TANC2: variants seen among roughly 807,000 people sequenced by gnomAD.
TANC2 encodes the protein tetratricopeptide repeat, ankyrin repeat and coiled-coil containing 2.
TANC2 carries 26 observed loss-of-function variants against 210.5 expected under a neutral mutation model. The observed-to-expected ratio is 0.12, with a 90% CI of 0.09 to 0.17. TANC2 has a LOEUF of 0.17. TANC2 is among the 10% of genes least tolerant of loss of function. TANC2 has a pLI of 1.00. For synonymous variants in TANC2, 931 were observed against 967.1 expected (o/e 0.96, Z 0.69); for missense variants, 2,129 against 2,608.9 (o/e 0.82, Z 4.01).
At chr17:63,406,007 C>G (rs905157123) in intron 20 of TANC2, 147 bp from the exon 21 acceptor site, 13 of 967,808 alleles carry the variant, frequency 1.3e-5, no homozygotes, top group Non-Finnish European at 2.0e-5. Context: ...GGTACTAGGA[C>G]TATACAGGTA....
intron 3 of TANC2, among the ~76,000 whole-genome samples, chr17:63,096,747 G>T (rs1232275427): frequency 6.6e-6 from 1 of 152,004 alleles, no homozygotes; most frequent in Non-Finnish European, 1.5e-5. Context: ...ACCTGTTTTC[G>T]TATCTTTGGG....
chr17:63,004,329 A>T (rs1236974502), intron 1 of TANC2, among the ~76,000 whole-genome samples: 3 of 152,186 alleles, frequency 2.0e-5, no homozygotes, highest in Non-Finnish European at 4.4e-5. Context: ...TAAGGAGTTA[A>T]GTCTGTGCTG....
In TANC2 at chr17:63,420,322, C is replaced by T. The variant is rs763167667; in HGVS notation, c.4592C>T (p.Pro1531Leu). 4 of 1,613,948 alleles carry T rather than the reference C, an allele frequency of 2.5e-6. No individual in the cohort carries two copies. The Admixed American group carries it at 5.0e-5, about 20-fold the overall frequency. ...GTCATCCAGAGCCCACCCTCCTCTCCCCCGCATCGGGACTCAGCCTACATC... is the reference window on the plus strand; with the variant it reads ...GTCATCCAGAGCCCACCCTCCTCTCTCCCGCATCGGGACTCAGCCTACATC... Residue 1531 changes from proline (P) to leucine (L), a missense_variant, in exon 28 of 28, where the codon CCC (proline) becomes CTC (leucine). This residue lies in a region of TANC2 where 584 missense variants were observed against 627.3 expected (regional missense o/e 0.93). Transcript: ENST00000689528. This position sits in a 1 kb window ranked among gnomAD's most constrained non-coding sequence, Gnocchi z 4.2.
At chr17:63,367,076 A>G (rs1277477962) in intron 14 of TANC2, among the ~76,000 whole-genome samples, 2 of 152,234 alleles carry the variant, frequency 1.3e-5, no homozygotes, top group Admixed American at 6.5e-5. Flanking sequence ...GACAGCAGAA[A>G]TATCTGCAAA....
chr17:63,025,291 T>G (rs1238028117), intron 2 of TANC2, among the ~76,000 whole-genome samples: 1 of 152,188 alleles, frequency 6.6e-6, no homozygotes, highest in African/African-American at 2.4e-5. Flanking sequence ...AGGGATTCCC[T>G]ACTAGAGTGG....
chr17:63,043,386 T>G (rs2035263726), intron 2 of TANC2, among the ~76,000 whole-genome samples: 1 of 152,126 alleles, frequency 6.6e-6, no homozygotes. Flanking sequence ...TACATAATTA[T>G]AAACCCATAT....
At chr17:63,405,467 GACTA>G (rs2048473537) in intron 20 of TANC2, among the ~76,000 whole-genome samples, 1 of 152,194 alleles carries the variant, frequency 6.6e-6, no homozygotes, top group Admixed American at 6.5e-5. Context: ...TGTATAGAAG[GACTA>G]ACTACTTATG....
intron 17 of TANC2, among the ~76,000 whole-genome samples, chr17:63,394,078 A>G (rs2048077647): frequency 6.6e-6 from 1 of 152,100 alleles, no homozygotes; most frequent in Admixed American, 6.6e-5. Flanking sequence ...AGCCACTGCA[A>G]TAATTATTGC....
chr17:63,367,771 T>G (rs2047152460), intron 14 of TANC2, among the ~76,000 whole-genome samples: 1 of 152,214 alleles, frequency 6.6e-6, no homozygotes, highest in South Asian at 2.1e-4. Context: ...GCAGCTATGA[T>G]GAGAGAATAA....
chr17:63,043,892 G>C (rs2035283490), intron 2 of TANC2, among the ~76,000 whole-genome samples: 1 of 151,988 alleles, frequency 6.6e-6, no homozygotes, highest in South Asian at 2.1e-4. Context: ...TAAGTTTTCT[G>C]TACTCCCCAA....
At chr17:63,035,513 AGTT>A (rs1312644960) in intron 2 of TANC2, among the ~76,000 whole-genome samples, 1 of 152,046 alleles carries the variant, frequency 6.6e-6, no homozygotes, top group Non-Finnish European at 1.5e-5. Flanking sequence ...GATTCATCTG[AGTT>A]GTTGTGTCAA....
chr17:63,132,837 C>T (rs2038964097), intron 4 of TANC2, among the ~76,000 whole-genome samples: 2 of 152,186 alleles, frequency 1.3e-5, no homozygotes, highest in Admixed American at 6.5e-5. Context: ...GGCCTTCACA[C>T]TTAATCTTTG....
chr17:63,251,737 C>CT (rs564443709), intron 8 of TANC2, among the ~76,000 whole-genome samples: 131 of 151,918 alleles, frequency 8.6e-4, no homozygotes, highest in Admixed American at 2.0e-3. Flanking sequence ...AATATCGCTG[C>CT]TTTTTTTTAA....
chr17:63,332,829 A>G (rs922156287), intron 11 of TANC2, among the ~76,000 whole-genome samples: 1 of 152,142 alleles, frequency 6.6e-6, no homozygotes, highest in Admixed American at 6.5e-5. Flanking sequence ...TTACCATTCC[A>G]AAAATTCTAG....
chr17:63,221,236 G>A (rs1476340740), intron 7 of TANC2, among the ~76,000 whole-genome samples: 1 of 151,976 alleles, frequency 6.6e-6, no homozygotes, highest in African/African-American at 2.4e-5. Context: ...TTCAAGACCA[G>A]CCTGGCCAAC....
In TANC2 at chr17:63,355,457, T is replaced by C. The variant is rs1179312540; in HGVS notation, c.2582+67T>C. The C allele has an allele frequency of 2.1e-6, 3 of 1,436,354 alleles. No individual in the cohort carries two copies. In the East Asian group the frequency reaches 7.1e-5, roughly 34 times the overall value. The allele number at this position is 1,436,354 out of a possible 1,614,324, so 89.0% of individuals were successfully genotyped here. A position where few individuals can be genotyped will look rare whatever the true frequency, so the allele number is the denominator to read the frequency against. On this transcript the variant is annotated intron_variant, in intron 14 of 27. Transcript: ENST00000689528. ...CTGTTTATTGCATGGAGTGTGAGTA[T>C]TGAAAGTAGAAGTGTTCTTCATTGA...
intron 5 of TANC2, among the ~76,000 whole-genome samples, chr17:63,188,445 T>C (rs1350241445): frequency 1.3e-5 from 2 of 151,748 alleles, no homozygotes; most frequent in African/African-American, 2.4e-5. Context: ...TACAAAAAAT[T>C]AGCTGGGCAT....
chr17:63,095,492 G>T (rs183485707), intron 3 of TANC2, among the ~76,000 whole-genome samples: 11 of 152,214 alleles, frequency 7.2e-5, no homozygotes, highest in African/African-American at 2.6e-4. Context: ...TCTTAAGTAT[G>T]TTCCTTTGAT....
At chr17:63,012,197 T>C (rs920728053) in intron 2 of TANC2, among the ~76,000 whole-genome samples, 1 of 151,840 alleles carries the variant, frequency 6.6e-6, no homozygotes, top group Non-Finnish European at 1.5e-5. Flanking sequence ...TTTTTTAAAT[T>C]TTTTGTAGAG....
Sources: allele counts gnomAD v4.1 joint callset (sites outside exome capture counted in the v4.1 genomes callset), GRCh38; gene constraint gnomAD v4.1.1; regional missense constraint gnomAD v4.1.1; non-coding constraint Gnocchi (gnomAD v3.1); transcripts MANE v1.5; gene names NCBI Gene and HGNC (gene_info 2026-07-23, HGNC 2026-07-21).